Variants in TMEM182 observed in about 807,000 individuals in gnomAD.
The protein encoded by TMEM182 is transmembrane protein 182.
A neutral mutation model predicts 26.8 loss-of-function variants in TMEM182; 20 were observed. The ratio of observed to expected loss-of-function variants is 0.75; its 90% CI spans 0.53 to 1.09. TMEM182 has a LOEUF of 1.09. Ranked by LOEUF, TMEM182 falls within the 50% of genes least tolerant of loss-of-function variation. The probability of loss-of-function intolerance (pLI) is 0.00; values close to 1 mark genes in which losing one functional copy is unlikely to be tolerated. For missense variants in TMEM182, 277 were observed against 275.5 expected, an observed-to-expected ratio of 1.01 and a Z score of -0.04; for synonymous variants, 109 against 102.2, an observed-to-expected ratio of 1.07 and a Z score of -0.40.
At position 102,830,298 on chromosome 2, in the gene TMEM182, A is replaced by C. The variant is rs551080992; in HGVS notation, c.326-13114A>C. On this transcript the variant is annotated intron_variant, in intron 3 of 3. Coordinates refer to the TMEM182 transcript ENST00000486293. ...TTTCTCTATGGAGTGGAAACTCAAC[A>C]CTTGAGTGAAGAGTTGAATTGCTGG... 2.5e-3 allele frequency among the ~76,000 whole-genome samples: 381 copies of C among 152,354 alleles called. 1 individual carries two copies. The highest frequency in any genetic ancestry group is 4.6e-3 in the Non-Finnish European group (313 of 68,034).
chr2:102,838,659 T>C (rs1312290955), intron 3 of TMEM182, among the ~76,000 whole-genome samples: 3 of 152,156 alleles, frequency 2.0e-5, no homozygotes, highest in Admixed American at 6.5e-5. Context: ...AATGTTGAAG[T>C]GGACAACAGG....
At position 102,774,312 on chromosome 2, in the gene TMEM182, A is replaced by G. The variant is rs1279253196; in HGVS notation, c.331+9885A>G. 2.2e-5 allele frequency among the ~76,000 whole-genome samples: 3 copies of G among 137,438 alleles called. 1 individual carries two copies. Among genetic ancestry groups the G allele is most frequent in the East Asian group, 4.3e-4 (2 of 4,600 alleles). The allele number at this position is 137,438 out of a possible 152,430, so 90.2% of individuals were successfully genotyped here. The stretch of plus-strand genomic sequence containing the variant: ...GTCCTGTAGCCCAGGATGGAGTGCA[A>G]TGGTGCTATCTCAGCTTACTGCAAC... On this transcript the variant is annotated intron_variant, in intron 3 of 4. Transcript: ENST00000412401.
intron 4 of TMEM182, among the ~76,000 whole-genome samples, chr2:102,799,699 A>T (rs1319135332): frequency 6.6e-6 from 1 of 152,164 alleles, no homozygotes; most frequent in East Asian, 1.9e-4. Context: ...GTGGGGCGGG[A>T]CCCTCTCTGG....
At position 102,749,429 on chromosome 2, in the gene TMEM182, G is replaced by A. The variant is rs117969901; in HGVS notation, c.-82-8960G>A. On this transcript the variant is annotated intron_variant, in intron 1 of 5. Coordinates refer to the TMEM182 transcript ENST00000409173. The stretch of plus-strand genomic sequence containing the variant: ...GATTAGTGGTTGCCCGGACCTGAGG[G>A]TGAATTGGGAATGAGGAGTGACTGC... 5.3e-4 allele frequency among the ~76,000 whole-genome samples: 81 copies of A among 152,272 alleles called. No individual in the cohort carries two copies. The East Asian group carries it at 0.015, about 28-fold the overall frequency.
At chr2:102,818,515 G>A (rs1682823914), downstream of TMEM182, among the ~76,000 whole-genome samples, 1 of 152,180 alleles carries the variant, frequency 6.6e-6, no homozygotes, top group Admixed American at 6.5e-5. Flanking sequence ...AGATCAGTGA[G>A]ACAAACCTGG....
rs530486393 is a variant in TMEM182 at position 102,778,108 on chromosome 2, G to T, written c.331+13681G>T. Among the ~76,000 whole-genome samples, 18 of 152,010 alleles carry T rather than the reference G, an allele frequency of 1.2e-4. No individual in the cohort carries two copies. The East Asian group carries it at 3.3e-3, about 28-fold the overall frequency. ...CATCAACTAGTAAGAGAGAGGTGTCGAAGTCTCCAGTTAAAATTGTGGATT... is the reference window on the plus strand; with the variant it reads ...CATCAACTAGTAAGAGAGAGGTGTCTAAGTCTCCAGTTAAAATTGTGGATT... On this transcript the variant is annotated intron_variant, in intron 3 of 4. Coordinates refer to ENST00000412401, the MANE Select transcript of TMEM182 (RefSeq NM_144632.5).
intron 4 of TMEM182, among the ~76,000 whole-genome samples, chr2:102,798,407 A>G (rs888691360): frequency 4.6e-5 from 7 of 152,344 alleles, no homozygotes; most frequent in African/African-American, 9.6e-5. Context: ...TCTCTGTAAC[A>G]TATCAGCATA....
At chr2:102,823,931 T>G (rs1448340584) in intron 3 of TMEM182, among the ~76,000 whole-genome samples, 1 of 152,198 alleles carries the variant, frequency 6.6e-6, no homozygotes. Context: ...ACATTGGACT[T>G]GTTAATAGAT....
At chr2:102,801,861 C>T (rs940036223) in intron 4 of TMEM182, among the ~76,000 whole-genome samples, 5 of 152,298 alleles carry the variant, frequency 3.3e-5, no homozygotes, top group Non-Finnish European at 4.4e-5. Flanking sequence ...TACAGGGAAG[C>T]TTATTTCTTT....
At chr2:102,747,442 TTAA>T (rs1679735306) in intron 1 of TMEM182, among the ~76,000 whole-genome samples, 1 of 152,232 alleles carries the variant, frequency 6.6e-6, no homozygotes, top group South Asian at 2.1e-4. Flanking sequence ...TATCTCAATA[TTAA>T]TGAGCAAGGA....
intron 4 of TMEM182, among the ~76,000 whole-genome samples, chr2:102,802,185 GACCATTGCTGGGTATGTGC>G (rs1325339001): frequency 6.6e-6 from 1 of 152,220 alleles, no homozygotes; most frequent in East Asian, 1.9e-4. Context: ...AATTTTCTAT[GACCATTGCTGGGTATGTGC>G]ACATAGGAAG....
downstream of TMEM182, among the ~76,000 whole-genome samples, chr2:102,821,305 A>G (rs181672942): frequency 9.1e-4 from 138 of 152,222 alleles, no homozygotes; most frequent in Middle Eastern, 6.8e-3. Flanking sequence ...TATAATCCCC[A>G]ATGTTGGAGG....
At chr2:102,751,471 C>T (rs1252593172) in intron 1 of TMEM182, among the ~76,000 whole-genome samples, 1 of 152,166 alleles carries the variant, frequency 6.6e-6, no homozygotes, top group African/African-American at 2.4e-5. Flanking sequence ...TCCTAGGTGG[C>T]CCTTTCCTAT....
upstream of TMEM182, among the ~76,000 whole-genome samples, chr2:102,759,001 T>A (rs1393114621): frequency 6.6e-6 from 1 of 152,196 alleles, no homozygotes; most frequent in East Asian, 1.9e-4. Flanking sequence ...TGGTGATGTT[T>A]ATATATTTTT....
chr2:102,818,502 T>C (rs1682823446), downstream of TMEM182, among the ~76,000 whole-genome samples: 1 of 152,182 alleles, frequency 6.6e-6, no homozygotes, highest in African/African-American at 2.4e-5. Flanking sequence ...GGGCTCCATC[T>C]TCAGATCAGT....
rs751244676 is a variant in TMEM182 at position 102,800,636 on chromosome 2, ATT to A, written c.469+2638_469+2639del. Among the ~76,000 whole-genome samples, 71 of 151,514 alleles carry A rather than the reference ATT, an allele frequency of 4.7e-4. 1 individual carries two copies. Among genetic ancestry groups the A allele is most frequent in the Non-Finnish European group, 1.0e-4 (7 of 67,892 alleles). On this transcript the variant is annotated intron_variant, in intron 4 of 4. Transcript: ENST00000412401. ...CAGTGCTCTGTTTACATGTACAAAT[ATT>A]TGTTTCTTCTTTTTCCTTGCTTTTT... is the stretch of plus-strand genomic sequence containing the variant.
chr2:102,741,287 G>A (rs536588047), intron 1 of TMEM182, among the ~76,000 whole-genome samples: 1 of 152,270 alleles, frequency 6.6e-6, no homozygotes, highest in African/African-American at 2.4e-5. Flanking sequence ...AGGCATGAGA[G>A]TTAGAAACTC....
chr2:102,763,604 C>G (rs1289720185), intron 2 of TMEM182, among the ~76,000 whole-genome samples: 1 of 152,078 alleles, frequency 6.6e-6, no homozygotes, highest in African/African-American at 2.4e-5. Context: ...GAGGCAAGTA[C>G]CTGATAGACT....
chr2:102,829,107 A>C (rs1683099781), intron 3 of TMEM182, among the ~76,000 whole-genome samples: 1 of 152,242 alleles, frequency 6.6e-6, no homozygotes, highest in African/African-American at 2.4e-5. Context: ...TTATTTCTTC[A>C]GTTCTCCGCA....
Sources: gnomAD v4.1 joint callset for allele counts (sites outside exome capture counted in the v4.1 genomes callset) on GRCh38, gnomAD v4.1.1 for gene constraint, MANE v1.5 for transcripts, NCBI Gene and HGNC (gene_info 2026-07-23, HGNC 2026-07-21) for gene names.